The following PIK3C2G variants were observed in gnomAD, a reference collection of about 807,000 sequenced individuals.
PIK3C2G encodes phosphatidylinositol 3-kinase C2 domain-containing subunit gamma.
In PIK3C2G, 168 loss-of-function variants were observed where a neutral mutation model predicts 181.1. That is an observed-to-expected ratio of 0.93 (90% CI 0.82 to 1.05). The LOEUF is 1.05. Among genes scored for constraint, PIK3C2G ranks in the 50% least tolerant of loss-of-function variants. PIK3C2G has a pLI of 0.00. For synonymous variants in PIK3C2G, 573 were observed against 592.2 expected (o/e 0.97, Z 0.47); for missense variants, 1,869 against 1,732.8 (o/e 1.08, Z -1.40).
At chr12:18,687,435 GGGATC>G in the PIK3C2G span, among the ~76,000 whole-genome samples, 1 of 152,092 alleles carries the variant, frequency 6.6e-6, no homozygotes, top group African/African-American at 2.4e-5. Flanking sequence ...ATCCTGACCA[GGGATC>G]AATCCCAGGA....
At chr12:18,656,201 G>A in the PIK3C2G span, among the ~76,000 whole-genome samples, 2 of 152,118 alleles carry the variant, frequency 1.3e-5, no homozygotes, top group African/African-American at 2.4e-5. Context: ...AGTTGAGACG[G>A]AAGCATCATT....
intron 16 of PIK3C2G, among the ~76,000 whole-genome samples, chr12:18,415,007 C>A (rs1945095784): frequency 6.6e-6 from 1 of 152,118 alleles, no homozygotes. Flanking sequence ...CATTAAAGTG[C>A]AAAAAATTAT....
chr12:18,575,811 T>C (rs988791189), intron 29 of PIK3C2G, among the ~76,000 whole-genome samples: 14 of 152,368 alleles, frequency 9.2e-5, no homozygotes, highest in African/African-American at 2.9e-4. Context: ...AAAATGACTA[T>C]ATTTATCTCT....
At chr12:18,349,363 G>A (rs1939993656) in intron 11 of PIK3C2G, among the ~76,000 whole-genome samples, 1 of 152,040 alleles carries the variant, frequency 6.6e-6, no homozygotes, top group Non-Finnish European at 1.5e-5. Context: ...TAGTCAAAAG[G>A]ACCATAATTA....
At chr12:18,644,708 T>C (rs1950025356) in intron 32 of PIK3C2G, among the ~76,000 whole-genome samples, 1 of 152,164 alleles carries the variant, frequency 6.6e-6, no homozygotes, top group Non-Finnish European at 1.5e-5. Flanking sequence ...GTTACACAAC[T>C]AGATGTCAAG....
chr12:18,642,784 C>T (rs1591751374), intron 32 of PIK3C2G, among the ~76,000 whole-genome samples: 2 of 102,990 alleles, frequency 1.9e-5, no homozygotes, highest in African/African-American at 8.1e-5. Flanking sequence ...TTATAAGTGA[C>T]ACTGTGTGTG....
At chr12:18,715,943 T>A in the PIK3C2G span, 1 of 152,172 alleles carries the variant, frequency 6.6e-6, no homozygotes, top group Non-Finnish European at 1.5e-5. Flanking sequence ...AGAATATTCA[T>A]AGAGAAATCT....
At chr12:18,723,517 C>G in the PIK3C2G span, 1 of 1,612,418 alleles carries the variant, frequency 6.2e-7, no homozygotes, top group Non-Finnish European at 8.5e-7. Flanking sequence ...TATGGTGATT[C>G]TTCCTTGTTT....
chr12:18,300,842 T>C (rs942658070), intron 5 of PIK3C2G, among the ~76,000 whole-genome samples: 5 of 152,174 alleles, frequency 3.3e-5, no homozygotes, highest in African/African-American at 1.2e-4. Flanking sequence ...GTTTTTTCAC[T>C]TCCAGATGTA....
chr12:18,712,065 A>G, the PIK3C2G span, among the ~76,000 whole-genome samples: 3 of 152,188 alleles, frequency 2.0e-5, no homozygotes, highest in Admixed American at 6.5e-5. Context: ...TTACATTTGT[A>G]AATTTAATGT....
upstream of PIK3C2G, chr12:18,261,424 T>A (rs1391942859): frequency 1.3e-5 from 2 of 152,034 alleles, no homozygotes; most frequent in Admixed American, 1.3e-4. Context: ...GGAAAATAGA[T>A]TTCCAAACAC....
At chr12:18,275,216 C>T (rs1948931489) in intron 1 of PIK3C2G, among the ~76,000 whole-genome samples, 1 of 152,084 alleles carries the variant, frequency 6.6e-6, no homozygotes, top group Admixed American at 6.6e-5. Context: ...GCCAAAAAGT[C>T]TGTTGACAAT....
At chr12:18,368,937 G>C (rs1941831276) in intron 12 of PIK3C2G, among the ~76,000 whole-genome samples, 1 of 152,172 alleles carries the variant, frequency 6.6e-6, no homozygotes, top group Non-Finnish European at 1.5e-5. Context: ...CTAGGCTCCA[G>C]ATTAGAAAGC....
chr12:18,393,779 G>T (rs1943691855), intron 15 of PIK3C2G, among the ~76,000 whole-genome samples: 1 of 152,088 alleles, frequency 6.6e-6, no homozygotes, highest in Non-Finnish European at 1.5e-5. Flanking sequence ...GTGGCTTTCA[G>T]CCTGGAGTCA....
At chr12:18,429,576 C>T (rs575149634) in intron 18 of PIK3C2G, among the ~76,000 whole-genome samples, 12 of 152,092 alleles carry the variant, frequency 7.9e-5, no homozygotes, top group Non-Finnish European at 1.6e-4. Context: ...CCCTTGACAC[C>T]ACTGCTGCCC....
chr12:18,523,832 T>A (rs1316280626), intron 24 of PIK3C2G, among the ~76,000 whole-genome samples: 1 of 152,212 alleles, frequency 6.6e-6, no homozygotes, highest in Non-Finnish European at 1.5e-5. Flanking sequence ...CTGAGCAAGT[T>A]CGGATACTCT....
intron 15 of PIK3C2G, among the ~76,000 whole-genome samples, chr12:18,399,058 A>G (rs928915622): frequency 8.9e-5 from 13 of 146,462 alleles, no homozygotes; most frequent in South Asian, 4.3e-4. Context: ...AGCCGGGCGT[A>G]GTGGCGGGCG....
the PIK3C2G span, chr12:18,723,324 C>T: frequency 6.2e-7 from 1 of 1,611,022 alleles, no homozygotes; most frequent in East Asian, 2.2e-5. Context: ...CTTCGATAGG[C>T]TCGTATTTCT....
intron 26 of PIK3C2G, among the ~76,000 whole-genome samples, chr12:18,552,326 C>T (rs904371823): frequency 6.6e-6 from 1 of 152,064 alleles, no homozygotes; most frequent in African/African-American, 2.4e-5. Flanking sequence ...GATTTTATAT[C>T]TTTTTTCTCT....
Sources: allele counts gnomAD v4.1 joint callset (sites outside exome capture counted in the v4.1 genomes callset), GRCh38; gene constraint gnomAD v4.1.1; transcripts MANE v1.5; gene names NCBI Gene and HGNC (gene_info 2026-07-23, HGNC 2026-07-21).